EPB41L4A: variants seen among roughly 807,000 people sequenced by gnomAD.
The protein encoded by EPB41L4A is band 4.1-like protein 4A.
A neutral mutation model predicts 108.6 loss-of-function variants in EPB41L4A; 100 were observed. The observed-to-expected ratio is 0.92, with a 90% CI of 0.78 to 1.09. EPB41L4A has a LOEUF of 1.09. EPB41L4A is among the 50% of genes least tolerant of loss of function. The probability of loss-of-function intolerance (pLI) is 0.00; values close to 1 mark genes in which losing one functional copy is unlikely to be tolerated. For synonymous variants in EPB41L4A, 319 were observed against 289.0 expected, an observed-to-expected ratio of 1.10 and a Z score of -1.05; for missense variants, 1,030 against 842.7, an observed-to-expected ratio of 1.22 and a Z score of -2.75.
chr5:112,411,327 G>C (rs1432250090), intron 1 of EPB41L4A, among the ~76,000 whole-genome samples: 1 of 152,110 alleles, frequency 6.6e-6, no homozygotes, highest in East Asian at 1.9e-4. Flanking sequence ...TTCTCCTACA[G>C]ACAGATCTGA....
intron 17 of EPB41L4A, among the ~76,000 whole-genome samples, chr5:112,189,275 GC>G (rs1761574444): frequency 6.6e-6 from 1 of 152,208 alleles, no homozygotes; most frequent in South Asian, 2.1e-4. Flanking sequence ...ACTTGCCTGT[GC>G]AGGGCACTTT....
chr5:112,391,857 T>A (rs1030326445), intron 1 of EPB41L4A, among the ~76,000 whole-genome samples: 15 of 152,010 alleles, frequency 9.9e-5, no homozygotes, highest in African/African-American at 3.6e-4. Flanking sequence ...CAAAGGCCCA[T>A]CAGACTAACA....
At chr5:112,263,662 A>G (rs568932839) in intron 6 of EPB41L4A, 3 of 152,334 alleles carry the variant, frequency 2.0e-5, no homozygotes, top group Admixed American at 6.5e-5. Context: ...GGACTCTACA[A>G]TCAGGTTGGA....
At chr5:112,294,056 C>T (rs757197294) in intron 2 of EPB41L4A, among the ~76,000 whole-genome samples, 1 of 152,218 alleles carries the variant, frequency 6.6e-6, no homozygotes, top group Non-Finnish European at 1.5e-5. Flanking sequence ...TTACATACTA[C>T]ACCACTATAC....
At chr5:112,334,906 G>C (rs1756821689) in intron 1 of EPB41L4A, among the ~76,000 whole-genome samples, 2 of 152,126 alleles carry the variant, frequency 1.3e-5, no homozygotes, top group Admixed American at 6.5e-5. Flanking sequence ...AGGGGTCTGG[G>C]TATTTCACAG....
chr5:112,162,309 T>A (rs1267377224), downstream of EPB41L4A: 2 of 152,230 alleles, frequency 1.3e-5, no homozygotes, highest in African/African-American at 4.8e-5. Context: ...ATTAATGCAC[T>A]TTGGCATTTG....
chr5:112,266,296 G>T lies in EPB41L4A; in HGVS notation c.370C>A (p.Leu124Ile). Residue 124 changes from leucine (L) to isoleucine (I), a missense_variant, in exon 5 of 23, where the codon CTT becomes ATT. Physicochemically the swap from Leu to Ile is conservative, Grantham distance 5 (BLOSUM62 2). Transcript: ENST00000261486. ...ACGGGACAGGGCAGACGGCCCTGAA[G>T]GACATCTTGCTTCACCTGCAAGAAA... is the stretch of plus-strand genomic sequence containing the variant. ...QFFLQVKQDV[L>I]QGRLPCPVNT... The T allele has an allele frequency of 6.2e-7, 1 of 1,609,214 alleles. No homozygotes were observed. The highest frequency in any genetic ancestry group is 8.5e-7 in the Non-Finnish European group (1 of 1,178,112).
rs748912347 is a variant in EPB41L4A at position 112,168,770 on chromosome 5, G to A, written c.1901C>T (p.Ala634Val). ...AACTGTAGCATCCCCAGAACCCTGAGCATCCGAAGAACGGGTCACCGGAAG... is the reference window on the plus strand; with the variant it reads ...AACTGTAGCATCCCCAGAACCCTGAACATCCGAAGAACGGGTCACCGGAAG... ...PPLPVTRSSD[A>V]QGSGDATVHQ... The change falls in exon 22 of 23, where the codon GCT (alanine) becomes GTT (valine). Residue 634 changes from alanine (A) to valine (V), a missense_variant. Transcript: ENST00000261486. 2.4e-5 allele frequency: 39 copies of A among 1,613,942 alleles called. No individual in the cohort carries two copies. Among genetic ancestry groups the A allele is most frequent in the Non-Finnish European group, 3.0e-5 (35 of 1,179,940 alleles).
chr5:112,238,607 A>C (rs2150376392), intron 11 of EPB41L4A, among the ~76,000 whole-genome samples: 1 of 152,304 alleles, frequency 6.6e-6, no homozygotes, highest in African/African-American at 2.4e-5. Context: ...TGTACCTCTT[A>C]AGGAAGCATT....
At chr5:112,360,506 C>T (rs1277782703) in intron 1 of EPB41L4A, among the ~76,000 whole-genome samples, 5 of 152,206 alleles carry the variant, frequency 3.3e-5, no homozygotes, top group Non-Finnish European at 5.9e-5. Context: ...AGCTCCTGAC[C>T]GCGAGTGATC....
intron 17 of EPB41L4A, among the ~76,000 whole-genome samples, chr5:112,185,764 T>C (rs1761396737): frequency 6.6e-6 from 1 of 152,094 alleles, no homozygotes; most frequent in Non-Finnish European, 1.5e-5. Context: ...TATGAGAAGG[T>C]ATACTACTTG....
Position 112,266,327 on chromosome 5 carries a change from A to AT in EPB41L4A, c.338dup (p.Tyr113Ter). The change falls in exon 5 of 23, where the codon TAT becomes TAAT. Residue 113 changes from tyrosine to a stop codon, truncating the protein, a stop_gained and frameshift_variant. Transcript: ENST00000261486. LOFTEE classifies it high-confidence loss of function. ...CTTGCTTCACCTGCAAGAAAAACTG[A>AT]TATCTAAAAGAGAAACAAAAAGAGA... ...PCKLKEEITR[Y>*]QFFLQVKQDV... 6.3e-7 allele frequency: 1 copy of AT among 1,593,420 alleles called. No individual in the cohort carries two copies. The highest frequency in any genetic ancestry group is 8.6e-7 in the Non-Finnish European group (1 of 1,169,276).
intron 1 of EPB41L4A, among the ~76,000 whole-genome samples, chr5:112,364,543 T>C (rs137964932): frequency 6.6e-6 from 1 of 152,350 alleles, no homozygotes; most frequent in East Asian, 1.9e-4. Context: ...ACTTGTATTC[T>C]AATGGAGAAA....
chr5:112,415,400 C>T (rs1283965912), intron 1 of EPB41L4A, among the ~76,000 whole-genome samples: 1 of 152,090 alleles, frequency 6.6e-6, no homozygotes, highest in Non-Finnish European at 1.5e-5. Flanking sequence ...AGTCAATACT[C>T]ATAGGGAAAA....
chr5:112,328,469 C>T (rs1386204499), intron 1 of EPB41L4A, among the ~76,000 whole-genome samples: 1 of 152,112 alleles, frequency 6.6e-6, no homozygotes, highest in Non-Finnish European at 1.5e-5. Context: ...TATATCTAAA[C>T]TCATTTTTAA....
chr5:112,208,013 C>A (rs1044175482), intron 13 of EPB41L4A, among the ~76,000 whole-genome samples: 4 of 152,068 alleles, frequency 2.6e-5, no homozygotes, highest in African/African-American at 9.7e-5. Context: ...TTTGGGATGC[C>A]AAGGCAGGCG....
chr5:112,189,438 CA>C (rs1271969214), intron 17 of EPB41L4A, among the ~76,000 whole-genome samples: 1 of 152,142 alleles, frequency 6.6e-6, no homozygotes, highest in Non-Finnish European at 1.5e-5. Flanking sequence ...AAAGTGGGTT[CA>C]ATTTCATAGT....
chr5:112,325,079 T>A (rs1421984610), intron 1 of EPB41L4A, among the ~76,000 whole-genome samples: 2 of 152,328 alleles, frequency 1.3e-5, no homozygotes, highest in Non-Finnish European at 2.9e-5. Flanking sequence ...CTAATTTGGA[T>A]GACCATCAAT....
chr5:112,329,586 A>T (rs1756416733), intron 1 of EPB41L4A, among the ~76,000 whole-genome samples: 1 of 151,970 alleles, frequency 6.6e-6, no homozygotes, highest in South Asian at 2.1e-4. Flanking sequence ...AGATGCTGAG[A>T]CTCCACATTT....
Sources: allele counts gnomAD v4.1 joint callset (sites outside exome capture counted in the v4.1 genomes callset), GRCh38; gene constraint gnomAD v4.1.1; transcripts MANE v1.5; gene names NCBI Gene and HGNC (gene_info 2026-07-23, HGNC 2026-07-21).